The following MED13L variants were observed in gnomAD, a reference collection of about 807,000 sequenced individuals.
MED13L encodes the protein mediator of RNA polymerase II transcription subunit 13-like.
MED13L carries 7 observed loss-of-function variants against 220.9 expected under a neutral mutation model. That is an observed-to-expected ratio of 0.03 (90% CI 0.02 to 0.06). The LOEUF (loss-of-function observed/expected upper bound fraction) is 0.06. MED13L is among the 10% of genes least tolerant of loss of function. MED13L has a pLI of 1.00. For synonymous variants in MED13L, 1,011 were observed against 1,015.2 expected (o/e 1.00, Z 0.08); for missense variants, 1,965 against 2,760.5 (o/e 0.71, Z 6.46).
intron 4 of MED13L, among the ~76,000 whole-genome samples, chr12:116,086,477 T>C (rs1261264465): frequency 2.6e-5 from 4 of 152,000 alleles, no homozygotes; most frequent in Non-Finnish European, 5.9e-5. Flanking sequence ...AGACGGAGTT[T>C]CTCCATGTTG....
chr12:116,191,091 C>CAA (rs558125739), intron 2 of MED13L, among the ~76,000 whole-genome samples: 24 of 66,000 alleles, frequency 3.6e-4, no homozygotes, highest in African/African-American at 7.7e-4. Flanking sequence ...GACTCTGTCT[C>CAA]AAAAAAAAAA....
intron 2 of MED13L, among the ~76,000 whole-genome samples, chr12:116,219,842 G>A (rs1017416653): frequency 2.6e-5 from 4 of 152,124 alleles, no homozygotes; most frequent in Non-Finnish European, 4.4e-5. Flanking sequence ...CTGTCTCCCA[G>A]GCTGGAGTGC....
chr12:116,019,862 C>T lies in MED13L; in HGVS notation c.736G>A (p.Val246Met). The T allele has an allele frequency of 6.2e-7, 1 of 1,613,908 alleles. No homozygotes were observed. Among genetic ancestry groups the T allele is most frequent in the Non-Finnish European group, 8.5e-7 (1 of 1,179,946 alleles). The change falls in exon 6 of 31, where the codon GTG becomes ATG. Residue 246 changes from valine (V) to methionine (M), a missense_variant. Around this residue, in one of 10 missense-constraint regions of MED13L, gnomAD observed 818 missense variants for 1,041.2 expected, o/e 0.79. Coordinates refer to ENST00000281928, the MANE Select transcript of MED13L (RefSeq NM_015335.5). ...IEEWQYFYPMVLKKKEESKEE... is the reference protein window; with the variant it reads ...IEEWQYFYPMMLKKKEESKEE... ...TTCGATTCTTCTTTCTTTTTTAGCACCATCGGGTAGAAATACTGCCATTCC... is the reference window on the plus strand; with the variant it reads ...TTCGATTCTTCTTTCTTTTTTAGCATCATCGGGTAGAAATACTGCCATTCC...
chr12:116,156,884 C>T (rs1004488638), intron 2 of MED13L, among the ~76,000 whole-genome samples: 1 of 152,080 alleles, frequency 6.6e-6, no homozygotes, highest in South Asian at 2.1e-4. Context: ...GGCTGGAGTA[C>T]AAGACAGAAG....
chr12:116,214,612 G>T (rs1565931867), intron 2 of MED13L, among the ~76,000 whole-genome samples: 1 of 151,990 alleles, frequency 6.6e-6, no homozygotes, highest in African/African-American at 2.4e-5. Context: ...AATGTCTAAG[G>T]AAAATATAAT....
chr12:116,088,588 A>G (rs12314970), intron 4 of MED13L, among the ~76,000 whole-genome samples: 10,024 of 152,160 alleles, frequency 0.066, 465 homozygotes, highest in African/African-American at 0.12. Context: ...ATCCAGCCCA[A>G]GAATCAACAG....
chr12:116,265,118 C>T (rs539551090), intron 1 of MED13L, among the ~76,000 whole-genome samples: 2 of 152,188 alleles, frequency 1.3e-5, no homozygotes, highest in Non-Finnish European at 2.9e-5. Flanking sequence ...TACCAAGCTG[C>T]CCAAATAGCA....
intron 1 of MED13L, among the ~76,000 whole-genome samples, chr12:116,249,005 T>C (rs1338982018): frequency 6.6e-6 from 1 of 152,178 alleles, no homozygotes; most frequent in Non-Finnish European, 1.5e-5. Context: ...TGGAGACAGA[T>C]CACCAGAAAG....
rs1192219286 is a variant in MED13L at position 116,109,424 on chromosome 12, TC to T, written c.395+2003del. Among the ~76,000 whole-genome samples the T allele has an allele frequency of 3.9e-5, 6 of 152,216 alleles. No individual in the cohort carries two copies. The South Asian group carries it at 1.2e-3, about 32-fold the overall frequency. The stretch of plus-strand genomic sequence containing the variant: ...GTTTTTCTGCTCTTCTAATTGTCTC[TC>T]GACAAAGAAACATGCTACCATTGCC... On this transcript the variant is annotated intron_variant, in intron 3 of 30. Coordinates refer to ENST00000281928, the MANE Select transcript of MED13L (RefSeq NM_015335.5).
chr12:116,058,258 G>A (rs1010481557), intron 4 of MED13L, among the ~76,000 whole-genome samples: 1 of 152,108 alleles, frequency 6.6e-6, no homozygotes, highest in Non-Finnish European at 1.5e-5. Context: ...TTCCTTTTAA[G>A]GCACACATCC....
At chr12:116,057,447 T>A (rs1435152058) in intron 4 of MED13L, among the ~76,000 whole-genome samples, 2 of 152,044 alleles carry the variant, frequency 1.3e-5, no homozygotes, top group African/African-American at 2.4e-5. Flanking sequence ...TGGTTCAGTA[T>A]CCATATGATA....
At chr12:116,128,079 G>A (rs1392517464) in intron 2 of MED13L, among the ~76,000 whole-genome samples, 1 of 152,162 alleles carries the variant, frequency 6.6e-6, no homozygotes, top group East Asian at 1.9e-4. Context: ...TCCTGTCCCA[G>A]TCAGTCACTT....
chr12:116,271,650 A>G (rs1378257617), intron 1 of MED13L, among the ~76,000 whole-genome samples: 1 of 151,894 alleles, frequency 6.6e-6, no homozygotes, highest in East Asian at 1.9e-4. Flanking sequence ...AAGAAACGTT[A>G]TGACAAAACA....
chr12:116,097,273 G>A (rs1156914602), intron 3 of MED13L, among the ~76,000 whole-genome samples: 1 of 151,968 alleles, frequency 6.6e-6, no homozygotes, highest in Non-Finnish European at 1.5e-5. Context: ...AATCTCCCAG[G>A]TAGCTGGGAT....
At chr12:116,272,002 T>C (rs991450784) in intron 1 of MED13L, among the ~76,000 whole-genome samples, 1 of 152,042 alleles carries the variant, frequency 6.6e-6, no homozygotes, top group Admixed American at 6.5e-5. Flanking sequence ...AGTCGAATGT[T>C]TCAAAAAAAA....
At chr12:116,190,696 T>G (rs1881214110) in intron 2 of MED13L, among the ~76,000 whole-genome samples, 1 of 152,230 alleles carries the variant, frequency 6.6e-6, no homozygotes, top group Admixed American at 6.5e-5. Flanking sequence ...GTATAAATTG[T>G]GATGTACAAG....
rs61936939 is a variant in MED13L at position 115,969,105 on chromosome 12, G to A, written c.6068-8C>T. 0.014 allele frequency: 22,262 copies of A among 1,613,354 alleles called. 219 individuals are homozygous for A. The highest frequency in any genetic ancestry group is 0.016 in the Non-Finnish European group (18,777 of 1,179,592). The stretch of plus-strand genomic sequence containing the variant: ...GGTCAACAAACATATCATCTAGAGG[G>A]AAGGGGGGAAAAAAAGCACAAAAAT... On this transcript the variant is annotated splice_polypyrimidine_tract_variant and splice_region_variant and intron_variant, in intron 27 of 30. Coordinates refer to ENST00000281928, the MANE Select transcript of MED13L (RefSeq NM_015335.5).
intron 1 of MED13L, chr12:116,276,525 G>T (rs1873850608): frequency 7.0e-6 from 9 of 1,282,032 alleles, no homozygotes; most frequent in Non-Finnish European, 9.1e-6. Flanking sequence ...GGGAGCTTCG[G>T]GTGCAAGAGT....
At chr12:116,012,956 G>A (rs1879505449) in intron 8 of MED13L, 55 bp from the exon 9 acceptor site, 4 of 1,291,082 alleles carry the variant, frequency 3.1e-6, no homozygotes, top group Non-Finnish European at 2.3e-6. Flanking sequence ...TACCCCTGGG[G>A]AGAAAAATGT....
Sources: gnomAD v4.1 joint callset for allele counts (sites outside exome capture counted in the v4.1 genomes callset) on GRCh38, gnomAD v4.1.1 for gene constraint, gnomAD v4.1.1 regional missense constraint, MANE v1.5 for transcripts, NCBI Gene and HGNC (gene_info 2026-07-23, HGNC 2026-07-21) for gene names.